Variants in TVP23A observed in about 807,000 individuals in gnomAD.
TVP23A encodes the protein Golgi apparatus membrane protein TVP23 homolog A.
TVP23A carries 21 observed loss-of-function variants against 31.7 expected under a neutral mutation model. That is an observed-to-expected ratio of 0.66 (90% CI 0.47 to 0.95). TVP23A has a LOEUF of 0.95. Ranked by LOEUF, TVP23A falls within the 40% of genes least tolerant of loss-of-function variation. The probability of loss-of-function intolerance (pLI) is 0.00; values close to 1 mark genes in which losing one functional copy is unlikely to be tolerated. For synonymous variants in TVP23A, 104 were observed against 96.0 expected (o/e 1.08, Z -0.49); for missense variants, 279 against 255.6 (o/e 1.09, Z -0.62).
At chr16:10,757,826 A>G, downstream of TVP23A, 1 of 1,592,912 alleles carries the variant, frequency 6.3e-7, no homozygotes, top group Non-Finnish European at 8.6e-7. This position sits in a 1 kb window ranked among gnomAD's most constrained non-coding sequence, Gnocchi z 4.1. Context: ...TTGAAAGTAC[A>G]GAAAAGAAAG....
chr16:10,785,042 T>C (rs1275359194), intron 2 of TVP23A, among the ~76,000 whole-genome samples: 1 of 148,000 alleles, frequency 6.8e-6, no homozygotes, highest in African/African-American at 2.5e-5. Flanking sequence ...GGTTGCAGTG[T>C]GCTGAGATCA....
intron 2 of TVP23A, among the ~76,000 whole-genome samples, chr16:10,802,019 A>T (rs920628055): frequency 6.6e-6 from 1 of 151,892 alleles, no homozygotes; most frequent in Non-Finnish European, 1.5e-5. Flanking sequence ...AAATAAATTT[A>T]AAAAGTGCAC....
intron 2 of TVP23A, among the ~76,000 whole-genome samples, chr16:10,813,046 C>T: frequency 6.6e-6 from 1 of 152,268 alleles, no homozygotes; most frequent in East Asian, 1.9e-4. Flanking sequence ...ACTTCCCAGG[C>T]CCCCCACCGC....
Position 10,787,174 on chromosome 16 carries a change from T to C in TVP23A, c.90-12078A>G, listed in dbSNP as rs74326571. Among the ~76,000 whole-genome samples the C allele has an allele frequency of 9.7e-3, 1,470 of 152,294 alleles. 28 individuals carry two copies. Among genetic ancestry groups the C allele is most frequent in the African/African-American group, 0.033 (1,388 of 41,570 alleles). ...GCTCCTGCTCCATGCTTGCTGGGTA[T>C]GCAGTCCTGGACAAAGTACTAAACC... On this transcript the variant is annotated intron_variant, in intron 2 of 7. Transcript: ENST00000299866.
At chr16:10,765,665 A>G (rs2030771962), downstream of TVP23A, among the ~76,000 whole-genome samples, 1 of 152,134 alleles carries the variant, frequency 6.6e-6, no homozygotes, top group Admixed American at 6.5e-5. This position sits in a 1 kb window ranked among gnomAD's most constrained non-coding sequence, Gnocchi z 4.0. Context: ...AGCAACCTCC[A>G]TCTTCCCACC....
intron 2 of TVP23A, among the ~76,000 whole-genome samples, chr16:10,785,559 G>C (rs1207256731): frequency 6.6e-6 from 1 of 152,232 alleles, no homozygotes; most frequent in Non-Finnish European, 1.5e-5. Flanking sequence ...GAATATCTGA[G>C]ACAGGTCTCA....
At chr16:10,806,782 A>G (rs954623675) in intron 2 of TVP23A, among the ~76,000 whole-genome samples, 1 of 152,208 alleles carries the variant, frequency 6.6e-6, no homozygotes, top group Non-Finnish European at 1.5e-5. Flanking sequence ...GATTACAGAC[A>G]TGAGCCACCA....
rs28757645 is a variant in TVP23A, at chr16:10,767,485, C to T, written c.*1617G>A. ...ATATGAGAGTGTGTGTATGTGTGTGCGCACACATGCAAGTGTGCACATTTA... is the reference window on the plus strand; with the variant it reads ...ATATGAGAGTGTGTGTATGTGTGTGTGCACACATGCAAGTGTGCACATTTA... On this transcript the variant is annotated 3_prime_UTR_variant, in exon 8 of 8. Coordinates refer to ENST00000299866, the MANE Select transcript of TVP23A (RefSeq NM_001079512.4). The surrounding 1 kb of genome is among the most constrained non-coding windows in gnomAD (Gnocchi z 4.6). The T allele has an allele frequency of 0.082, 19,547 of 239,646 alleles. 2,733 individuals carry two copies. The highest frequency in any genetic ancestry group is 0.4 in the African/African-American group (16,064 of 39,962). The allele number at this position is 239,646 out of a possible 1,614,324, so 14.8% of individuals were successfully genotyped here.
chr16:10,809,347 A>G (rs1185431204), intron 2 of TVP23A, among the ~76,000 whole-genome samples: 2 of 152,218 alleles, frequency 1.3e-5, no homozygotes, highest in South Asian at 2.1e-4. Context: ...GGCCTCCCGT[A>G]GCACAGAGGC....
chr16:10,775,063 GA>G lies in TVP23A; in HGVS notation c.122del (p.Phe41SerfsTer3). 6.2e-7 allele frequency: 1 copy of G among 1,611,028 alleles called. No individual in the cohort carries two copies. On this transcript the variant is annotated frameshift_variant, in exon 3 of 8. Coordinates refer to ENST00000299866, the MANE Select transcript of TVP23A (RefSeq NM_001079512.4). LOFTEE classifies it high-confidence loss of function. The part of the protein sequence containing the change: ...HPLATFFHLF[F>X]RVSAIVTYVS... ...CGTAGGTGACGATGGCACTCACTCG[GA>G]AAAACAGGTGGAAAAAGGTGGCCAA...
Position 10,766,695 on chromosome 16 carries a change from T to A in TVP23A, c.*2407A>T. The A allele has an allele frequency of 5.4e-6, 2 of 367,892 alleles. No individual in the cohort carries two copies. The highest frequency in any genetic ancestry group is 9.6e-6 in the Non-Finnish European group (2 of 207,348). The allele number at this position is 367,892 out of a possible 1,614,324, so 22.8% of individuals were successfully genotyped here. A position where few individuals can be genotyped will look rare whatever the true frequency, so the allele number is the denominator to read the frequency against. ...ACAAAGAAAGGAAGGAAGGAAGGGA[T>A]TTATTGAAAATGAAAGTCAACTCCA... On this transcript the variant is annotated 3_prime_UTR_variant, in exon 8 of 8. Transcript: ENST00000299866. This position sits in a 1 kb window ranked among gnomAD's most constrained non-coding sequence, Gnocchi z 4.8.
intron 2 of TVP23A, among the ~76,000 whole-genome samples, chr16:10,803,268 T>TGTGTGTGTGTGTGTGTGTGC (rs1555485950): frequency 2.9e-4 from 44 of 151,420 alleles, no homozygotes; most frequent in Middle Eastern, 6.9e-3. Flanking sequence ...TGTGTGTGTG[T>TGTGTGTGTGTGTGTGTGTGC]GTGTGTGTGT....
chr16:10,807,257 G>C (rs190631947), intron 2 of TVP23A, among the ~76,000 whole-genome samples: 2 of 152,268 alleles, frequency 1.3e-5, no homozygotes, highest in East Asian at 3.9e-4. Context: ...ACCAATTAGA[G>C]ATGTGCTATT....
rs537800235 is a variant in TVP23A at position 10,767,747 on chromosome 16, G to T, written c.*1355C>A. ...TTTCTGTACACCACCTGATTATTTA[G>T]CCACGCTGAAATGCTGGCTGGGGAC... On this transcript the variant is annotated 3_prime_UTR_variant, in exon 8 of 8. Transcript: ENST00000299866. This position sits in a 1 kb window ranked among gnomAD's most constrained non-coding sequence, Gnocchi z 4.6. 1.4e-5 allele frequency: 8 copies of T among 586,700 alleles called. No homozygotes were observed. In the African/African-American group the frequency reaches 1.5e-4, roughly 11 times the overall value. The allele number at this position is 586,700 out of a possible 1,614,324, so 36.3% of individuals were successfully genotyped here.
chr16:10,818,246 C>G lies in TVP23A; in HGVS notation c.10-64G>C, dbSNP rs1419378335. The stretch of plus-strand genomic sequence containing the variant: ...GGCGCACACCCCAACCCCACCCGCC[C>G]TGTCCTCCTGGGCTTGGACTCCACT... On this transcript the variant is annotated intron_variant, in intron 1 of 7. Transcript: ENST00000299866. This position sits in a 1 kb window ranked among gnomAD's most constrained non-coding sequence, Gnocchi z 4.7. 1 of 1,416,522 alleles carries G rather than the reference C, an allele frequency of 7.1e-7. No individual in the cohort carries two copies. Among genetic ancestry groups the G allele is most frequent in the Middle Eastern group, 2.0e-4 (1 of 4,910 alleles). The allele number at this position is 1,416,522 out of a possible 1,614,324, so 87.7% of individuals were successfully genotyped here.
chr16:10,786,024 T>C (rs2032732410), intron 2 of TVP23A, among the ~76,000 whole-genome samples: 1 of 152,092 alleles, frequency 6.6e-6, no homozygotes, highest in Non-Finnish European at 1.5e-5. Flanking sequence ...TTCCAGGTCA[T>C]AGGTAGATTA....
chr16:10,805,158 A>G (rs746391937), intron 2 of TVP23A, among the ~76,000 whole-genome samples: 5 of 151,802 alleles, frequency 3.3e-5, no homozygotes, highest in Non-Finnish European at 5.9e-5. Flanking sequence ...CAGCCTCCCA[A>G]GTAGTGGGGA....
intron 2 of TVP23A, among the ~76,000 whole-genome samples, chr16:10,810,426 A>C (rs1399114246): frequency 6.6e-6 from 1 of 151,986 alleles, no homozygotes; most frequent in Non-Finnish European, 1.5e-5. Context: ...GCATGCCTGT[A>C]GTCCCAGCTA....
chr16:10,776,396 AT>A (rs1008326772), intron 2 of TVP23A, among the ~76,000 whole-genome samples: 1 of 152,198 alleles, frequency 6.6e-6, no homozygotes, highest in African/African-American at 2.4e-5. Flanking sequence ...AAATAAAAAA[AT>A]AAAAACAAGA....
Sources: gnomAD v4.1 joint callset for allele counts (sites outside exome capture counted in the v4.1 genomes callset) on GRCh38, gnomAD v4.1.1 for gene constraint, Gnocchi (gnomAD v3.1) non-coding constraint, MANE v1.5 for transcripts, NCBI Gene and HGNC (gene_info 2026-07-23, HGNC 2026-07-21) for gene names.